CCDC102B: variants seen among roughly 807,000 people sequenced by gnomAD.
The protein encoded by CCDC102B is coiled-coil domain-containing protein 102B.
In CCDC102B, 75 loss-of-function variants were observed where a neutral mutation model predicts 57.4. The observed-to-expected ratio is 1.31, with a 90% confidence interval of 1.08 to 1.58. The LOEUF is 1.58. CCDC102B is among the 40% of genes most tolerant of loss of function. The probability of loss-of-function intolerance (pLI) is 0.00; values close to 1 mark genes in which losing one functional copy is unlikely to be tolerated. For missense variants in CCDC102B, 636 were observed against 582.6 expected (o/e 1.09, Z -0.94); for synonymous variants, 206 against 201.9 (o/e 1.02, Z -0.17).
intron 5 of CCDC102B, among the ~76,000 whole-genome samples, chr18:68,882,178 T>C (rs1368211823): frequency 6.6e-6 from 1 of 152,216 alleles, no homozygotes; most frequent in African/African-American, 2.4e-5. Flanking sequence ...CAAATAAAAA[T>C]ATAAATAAAT....
rs763851580 is a variant in CCDC102B at position 68,837,171 on chromosome 18, A to G, written c.408A>G (p.Thr136=). The change falls in exon 2 of 8, where the codon ACA becomes ACG. Residue 136 remains threonine, a synonymous_variant. Transcript: ENST00000360242. ...KLEMAMKELS[T]LKKKQSLPPQ... Reference sequence around the variant, plus strand: ...AGATGGCGATGAAAGAATTGAGTACACTGAAAAAGAAACAGAGTTTGCCAC... The same window carrying G: ...AGATGGCGATGAAAGAATTGAGTACGCTGAAAAAGAAACAGAGTTTGCCAC... 6.2e-7 allele frequency: 1 copy of G among 1,614,138 alleles called. No individual in the cohort carries two copies. The highest frequency in any genetic ancestry group is 8.5e-7 in the Non-Finnish European group (1 of 1,180,010).
intron 6 of CCDC102B, among the ~76,000 whole-genome samples, chr18:68,964,949 G>A (rs535750161): frequency 6.6e-6 from 1 of 151,950 alleles, no homozygotes; most frequent in Non-Finnish European, 1.5e-5. Flanking sequence ...GAAATCTCCT[G>A]TCTTTTGAAT....
chr18:68,858,778 G>C (rs922540890), intron 4 of CCDC102B, among the ~76,000 whole-genome samples: 1 of 152,036 alleles, frequency 6.6e-6, no homozygotes, highest in Non-Finnish European at 1.5e-5. Flanking sequence ...ACTATCTTTT[G>C]TAATACATAC....
chr18:68,732,761 T>G lies in CCDC102B; in HGVS notation c.-67+16167T>G, dbSNP rs73454097. Among the ~76,000 whole-genome samples, 788 of 152,242 alleles carry G rather than the reference T, an allele frequency of 5.2e-3. 8 individuals are homozygous for G. Among genetic ancestry groups the G allele is most frequent in the African/African-American group, 0.018 (744 of 41,546 alleles). On this transcript the variant is annotated intron_variant, in intron 2 of 3. Transcript: ENST00000578970. ...GAGTTAAGGTTTTCCAGTTTTCTCT[T>G]AAAATTTTTAGGATACCATAGTTCC...
At chr18:68,857,555 T>G (rs1187419820) in intron 4 of CCDC102B, among the ~76,000 whole-genome samples, 1 of 150,568 alleles carries the variant, frequency 6.6e-6, no homozygotes, top group Non-Finnish European at 1.5e-5. Context: ...GCAGATTCCT[T>G]TATCTTCCTA....
chr18:68,777,002 CTTGGAATTTTACCTA>C (rs2034842908), intron 2 of CCDC102B, among the ~76,000 whole-genome samples: 1 of 151,884 alleles, frequency 6.6e-6, no homozygotes, highest in African/African-American at 2.4e-5. Flanking sequence ...GATAATTTTC[CTTGGAATTTTACCTA>C]TAGGAAATAT....
intron 5 of CCDC102B, among the ~76,000 whole-genome samples, chr18:68,876,398 G>T (rs1350211388): frequency 1.3e-5 from 2 of 151,930 alleles, no homozygotes; most frequent in African/African-American, 4.8e-5. Flanking sequence ...GATGCTAGGG[G>T]GATTGCCCTA....
chr18:68,818,629 AG>A, intron 1 of CCDC102B, among the ~76,000 whole-genome samples: 1 of 152,140 alleles, frequency 6.6e-6, no homozygotes, highest in East Asian at 1.9e-4. Context: ...GGGATTATGC[AG>A]TATGTATTAT....
At chr18:68,954,177 T>C (rs1410194650) in intron 6 of CCDC102B, among the ~76,000 whole-genome samples, 1 of 152,146 alleles carries the variant, frequency 6.6e-6, no homozygotes, top group East Asian at 1.9e-4. Context: ...CCTAGCACTT[T>C]GGGAGGCCAA....
intron 4 of CCDC102B, among the ~76,000 whole-genome samples, chr18:68,874,181 TGTG>T (rs2039345436): frequency 8.2e-6 from 1 of 121,554 alleles, no homozygotes; most frequent in Non-Finnish European, 1.8e-5. Context: ...TGTGTGTGTG[TGTG>T]TGTGTGTGTG....
chr18:68,828,921 T>C (rs978994582), intron 1 of CCDC102B, among the ~76,000 whole-genome samples: 22 of 151,996 alleles, frequency 1.4e-4, no homozygotes, highest in Middle Eastern at 3.4e-3. Context: ...GACAATCTTA[T>C]ACAACTTCTT....
intron 7 of CCDC102B, among the ~76,000 whole-genome samples, chr18:69,045,584 A>C (rs2052541631): frequency 6.6e-6 from 1 of 152,028 alleles, no homozygotes; most frequent in African/African-American, 2.4e-5. Flanking sequence ...GTTGGACCAA[A>C]ATATTTCCTT....
intron 4 of CCDC102B, among the ~76,000 whole-genome samples, chr18:68,862,929 T>G (rs926463294): frequency 1.3e-5 from 2 of 152,054 alleles, no homozygotes; most frequent in African/African-American, 4.8e-5. Flanking sequence ...CCCATCCTCA[T>G]GTCTACCCTA....
intron 2 of CCDC102B, among the ~76,000 whole-genome samples, chr18:68,781,828 G>C (rs2035016997): frequency 6.6e-6 from 1 of 151,986 alleles, no homozygotes; most frequent in African/African-American, 2.4e-5. Flanking sequence ...ATGTATTGCT[G>C]AGCCTTTGTA....
chr18:68,898,900 C>T (rs1426406813), intron 6 of CCDC102B, among the ~76,000 whole-genome samples: 5 of 151,948 alleles, frequency 3.3e-5, no homozygotes, highest in South Asian at 2.1e-4. Flanking sequence ...GTATATCTTT[C>T]GGGAAAAATT....
At chr18:68,908,903 T>C (rs1312496446) in intron 6 of CCDC102B, among the ~76,000 whole-genome samples, 2 of 152,072 alleles carry the variant, frequency 1.3e-5, no homozygotes, top group Non-Finnish European at 2.9e-5. Context: ...AAGTTTTAAC[T>C]GTGTTTAAGT....
intron 6 of CCDC102B, among the ~76,000 whole-genome samples, chr18:68,921,830 G>C (rs1193004556): frequency 6.6e-6 from 1 of 152,144 alleles, no homozygotes; most frequent in African/African-American, 2.4e-5. Context: ...AGCCACGTGA[G>C]AGCTATGTCA....
chr18:68,824,863 A>G (rs1167601886), intron 1 of CCDC102B, among the ~76,000 whole-genome samples: 3 of 152,204 alleles, frequency 2.0e-5, no homozygotes, highest in Admixed American at 6.5e-5. Context: ...TTCTTTGTCT[A>G]TCTTTCATAT....
intron 6 of CCDC102B, among the ~76,000 whole-genome samples, chr18:68,955,243 G>A (rs2049811766): frequency 6.6e-6 from 1 of 152,060 alleles, no homozygotes; most frequent in Admixed American, 6.6e-5. Flanking sequence ...TGGTAATGGA[G>A]AAATAATGTT....
Sources: gnomAD v4.1 joint callset for allele counts (sites outside exome capture counted in the v4.1 genomes callset) on GRCh38, gnomAD v4.1.1 for gene constraint, MANE v1.5 for transcripts, NCBI Gene and HGNC (gene_info 2026-07-23, HGNC 2026-07-21) for gene names.